Variants in GIT1 observed in about 807,000 individuals in gnomAD.
The protein encoded by GIT1 is GIT ArfGAP 1.
Under a neutral mutation model 91.7 loss-of-function variants are expected in GIT1, and 14 were observed. The observed-to-expected ratio is 0.15, with a 90% CI of 0.10 to 0.24. GIT1 has a LOEUF of 0.24. Among genes scored for constraint, GIT1 ranks in the 10% least tolerant of loss-of-function variants. The pLI is 1.00. For synonymous variants in GIT1, 414 were observed against 418.2 expected, an observed-to-expected ratio of 0.99 and a Z score of 0.12; for missense variants, 717 against 1,024.9, an observed-to-expected ratio of 0.70 and a Z score of 4.10.
intron 1 of GIT1, among the ~76,000 whole-genome samples, chr17:29,588,657 C>T (rs981730671): frequency 2.0e-5 from 3 of 152,110 alleles, no homozygotes; most frequent in African/African-American, 7.2e-5. Flanking sequence ...CAGGGTCCAG[C>T]CGAGCTGTTC....
At chr17:29,584,951 G>A (rs2033539445) in intron 1 of GIT1, among the ~76,000 whole-genome samples, 1 of 148,426 alleles carries the variant, frequency 6.7e-6, no homozygotes, top group Non-Finnish European at 1.5e-5. Flanking sequence ...CCTGTCTTTG[G>A]GTTTAGGCTT....
chr17:29,581,120 A>G lies in GIT1; in HGVS notation c.761+218T>C. On this transcript the variant is annotated intron_variant, in intron 7 of 19. Transcript: ENST00000225394. This position sits in a 1 kb window ranked among gnomAD's most constrained non-coding sequence, Gnocchi z 4.8. ...CACCCAAGCCCTCCATGTACTTGACAGTCACGGGGCTCAGGCTATGCGGGC... is the reference window on the plus strand; with the variant it reads ...CACCCAAGCCCTCCATGTACTTGACGGTCACGGGGCTCAGGCTATGCGGGC... 1 of 588,144 alleles carries G rather than the reference A, an allele frequency of 1.7e-6. No homozygotes were observed. Among genetic ancestry groups the G allele is most frequent in the Non-Finnish European group, 3.0e-6 (1 of 327,954 alleles). The allele number at this position is 588,144 out of a possible 1,614,324, so 36.4% of individuals were successfully genotyped here. A position where few individuals can be genotyped will look rare whatever the true frequency, so the allele number is the denominator to read the frequency against.
In GIT1 at chr17:29,575,942, G is replaced by GC. The variant is rs747334658; in HGVS notation, c.1666-45dup. On this transcript the variant is annotated intron_variant, in intron 15 of 19. Transcript: ENST00000225394. The surrounding 1 kb of genome is among the most constrained non-coding windows in gnomAD (Gnocchi z 5.5). ...CTGGATGGAGTCAGTGTGCCCCACT[G>GC]CCCCCCTGCTCACCAGCAGTGCAGC... 4 of 1,550,280 alleles carry GC rather than the reference G, an allele frequency of 2.6e-6. No individual in the cohort carries two copies. The highest frequency in any genetic ancestry group is 1.7e-5 in the Admixed American group (1 of 57,592).
Position 29,581,690 on chromosome 17 carries a change from C to A in GIT1, c.718+52G>T. On this transcript the variant is annotated intron_variant, in intron 6 of 19. Coordinates refer to ENST00000225394, the MANE Select transcript of GIT1 (RefSeq NM_014030.4). The surrounding 1 kb of genome is among the most constrained non-coding windows in gnomAD (Gnocchi z 4.8). Reference sequence around the variant, plus strand: ...GCCGGGTGCGTCCAGGTCCCACCTGCCCAGCCCCAGCCAGGCCTGTCACAG... The same window carrying A: ...GCCGGGTGCGTCCAGGTCCCACCTGACCAGCCCCAGCCAGGCCTGTCACAG... 1 of 1,458,152 alleles carries A rather than the reference C, an allele frequency of 6.9e-7. No homozygotes were observed. Among genetic ancestry groups the A allele is most frequent in the Non-Finnish European group, 9.5e-7 (1 of 1,049,956 alleles). The allele number at this position is 1,458,152 out of a possible 1,614,324, so 90.3% of individuals were successfully genotyped here.
chr17:29,589,333 C>T lies in GIT1; in HGVS notation c.46G>A (p.Ala16Thr). ...CCGGCCCCGCCGCGCTTACCCGGGGCGCTGCAGTCCGCACACACCTCCGCT... is the reference window on the plus strand; with the variant it reads ...CCGGCCCCGCCGCGCTTACCCGGGGTGCTGCAGTCCGCACACACCTCCGCT... ...PRAEVCADCS[A>T]PDPGWASISR... Residue 16 changes from alanine to threonine, a missense_variant, in exon 1 of 20, where the codon GCC becomes ACC. By Grantham distance (58) the Ala-to-Thr change is moderately conservative. Transcript: ENST00000225394. This position sits in a 1 kb window ranked among gnomAD's most constrained non-coding sequence, Gnocchi z 5.2. 9.4e-7 allele frequency: 1 copy of T among 1,063,468 alleles called. No homozygotes were observed. Among genetic ancestry groups the T allele is most frequent in the Non-Finnish European group, 1.1e-6 (1 of 874,876 alleles). The allele number at this position is 1,063,468 out of a possible 1,614,324, so 65.9% of individuals were successfully genotyped here. A position where few individuals can be genotyped will look rare whatever the true frequency, so the allele number is the denominator to read the frequency against.
Position 29,578,335 on chromosome 17 carries a change from C to T in GIT1, c.847G>A (p.Val283Met), listed in dbSNP as rs372379075. The T allele has an allele frequency of 5.0e-6, 8 of 1,614,020 alleles. No individual in the cohort carries two copies. The highest frequency in any genetic ancestry group is 1.3e-5 in the African/African-American group (1 of 74,936). The change falls in exon 9 of 20, where the codon GTG becomes ATG. Residue 283 changes from valine (V) to methionine (M), a missense_variant. By Grantham distance (21) the Val-to-Met change is conservative. Transcript: ENST00000225394. Reference sequence around the variant, plus strand: ...TCTCTTCGATCCACCTCGTCATACACGTCCATGGCGAGTTCCTCAAAAAGC... The same window carrying T: ...TCTCTTCGATCCACCTCGTCATACATGTCCATGGCGAGTTCCTCAAAAAGC... ...NRLFEELAMDVYDEVDRREND... is the reference protein window; with the variant it reads ...NRLFEELAMDMYDEVDRREND...
Position 29,574,900 on chromosome 17 carries a change from C to A in GIT1, c.2088G>T (p.Glu696Asp). 1 of 1,567,114 alleles carries A rather than the reference C, an allele frequency of 6.4e-7. No individual in the cohort carries two copies. Among genetic ancestry groups the A allele is most frequent in the South Asian group, 1.1e-5 (1 of 87,370 alleles). The change falls in exon 20 of 20, where the codon GAG (glutamate) becomes GAT (aspartate). Residue 696 changes from glutamate (E) to aspartate (D), a missense_variant. Glu to Asp is a conservative substitution (Grantham distance 45, BLOSUM62 2). Transcript: ENST00000225394. ...GCAGCCGCAGTGAGCTCCGCACTGG[C>A]TCCAGGGCTGGCCTCTGGAGGGGGC... ...ASLFPKRPAL[E>D]PVRSSLRLLN...
chr17:29,576,905 C>T lies in GIT1; in HGVS notation c.1185G>A (p.Glu395=). Residue 395 remains glutamate, a synonymous_variant, in exon 12 of 20, where the codon GAG becomes GAA. Transcript: ENST00000225394. ...GAGTGGCGCCGGTGCTGCGCAGGGGCTCCTGGTCTGTGTCCTCGTCAGAGG... is the reference window on the plus strand; with the variant it reads ...GAGTGGCGCCGGTGCTGCGCAGGGGTTCCTGGTCTGTGTCCTCGTCAGAGG... ...SVASDEDTDQ[E]PLRSTGATRS... 6.3e-7 allele frequency: 1 copy of T among 1,579,134 alleles called. No homozygotes were observed. The highest frequency in any genetic ancestry group is 8.6e-7 in the Non-Finnish European group (1 of 1,164,528).
intron 4 of GIT1, 54 bp downstream of exon 4, chr17:29,582,644 C>T (rs893260104): frequency 8.2e-6 from 10 of 1,221,678 alleles, no homozygotes; most frequent in African/African-American, 3.0e-5. Context: ...TTCAGAGAGT[C>T]GTGGATGGGA....
chr17:29,574,815 C>T lies in GIT1; in HGVS notation c.2173G>A (p.Gly725Ser), dbSNP rs764160074. Reference sequence around the variant, plus strand: ...AGCAGCTGGAAGTCCACTGGGGCGCCGGGCTCTGGGGGCACTGTCTTCCGG... The same window carrying T: ...AGCAGCTGGAAGTCCACTGGGGCGCTGGGCTCTGGGGGCACTGTCTTCCGG... ...ECRKTVPPEPGAPVDFQLLTQ... is the reference protein window; with the variant it reads ...ECRKTVPPEPSAPVDFQLLTQ... The change falls in exon 20 of 20, where the codon GGC becomes AGC. Residue 725 changes from glycine to serine, a missense_variant. Gly to Ser is a moderately conservative substitution (Grantham distance 56). Transcript: ENST00000225394. 10 of 1,611,268 alleles carry T rather than the reference C, an allele frequency of 6.2e-6. No individual in the cohort carries two copies. In the East Asian group the frequency reaches 6.7e-5, roughly 11 times the overall value.
Position 29,575,266 on chromosome 17 carries a change from C to T in GIT1, c.2009+22G>A. On this transcript the variant is annotated intron_variant, in intron 18 of 19. Coordinates refer to ENST00000225394, the MANE Select transcript of GIT1 (RefSeq NM_014030.4). This position sits in a 1 kb window ranked among gnomAD's most constrained non-coding sequence, Gnocchi z 5.5. ...AAGCCAACAGGAACTGCATCCCCCT[C>T]ACCTCCCCCTCCACTCAGTACCTGT... is the stretch of plus-strand genomic sequence containing the variant. 6.3e-7 allele frequency: 1 copy of T among 1,597,962 alleles called. No homozygotes were observed. Among genetic ancestry groups the T allele is most frequent in the Non-Finnish European group, 8.5e-7 (1 of 1,170,138 alleles).
rs549106964 is a variant in GIT1, at chr17:29,581,636, C to G, written c.718+106G>C. The G allele has an allele frequency of 7.0e-6, 6 of 862,776 alleles. No individual in the cohort carries two copies. Among genetic ancestry groups the G allele is most frequent in the African/African-American group, 1.7e-5 (1 of 60,168 alleles). The allele number at this position is 862,776 out of a possible 1,614,324, so 53.4% of individuals were successfully genotyped here. A position where few individuals can be genotyped will look rare whatever the true frequency, so the allele number is the denominator to read the frequency against. ...GCCAGTTGCCTAGCAACATTGCTCC[C>G]CAGCCGCTCTGTCACCATGGCACCT... On this transcript the variant is annotated intron_variant, in intron 6 of 19. Coordinates refer to ENST00000225394, the MANE Select transcript of GIT1 (RefSeq NM_014030.4). This position sits in a 1 kb window ranked among gnomAD's most constrained non-coding sequence, Gnocchi z 4.8.
Position 29,577,635 on chromosome 17 carries a change from G to GC in GIT1, c.981+9dup. 6.4e-7 allele frequency: 1 copy of GC among 1,567,664 alleles called. No individual in the cohort carries two copies. The highest frequency in any genetic ancestry group is 8.8e-7 in the Non-Finnish European group (1 of 1,137,916). On this transcript the variant is annotated intron_variant, in intron 10 of 19. Coordinates refer to ENST00000225394, the MANE Select transcript of GIT1 (RefSeq NM_014030.4). ...TAGACCACCCCAGGCCCCCAATCCA[G>GC]CCCCCTCACCTGATTCCGCGTGGCT...
At chr17:29,577,849 C>T in intron 9 of GIT1, 107 bp from the exon 10 acceptor site, 2 of 719,954 alleles carry the variant, frequency 2.8e-6, no homozygotes, top group Non-Finnish European at 2.5e-6. Flanking sequence ...GCCTACTGAG[C>T]ACTGGTGTTC....
chr17:29,575,147 G>A lies in GIT1; in HGVS notation c.2010-5C>T, dbSNP rs775624860. The A allele has an allele frequency of 4.4e-6, 7 of 1,593,978 alleles. No individual in the cohort carries two copies. Among genetic ancestry groups the A allele is most frequent in the East Asian group, 2.2e-5 (1 of 44,462 alleles). On this transcript the variant is annotated splice_region_variant and splice_polypyrimidine_tract_variant and intron_variant, in intron 18 of 19. Transcript: ENST00000225394. This position sits in a 1 kb window ranked among gnomAD's most constrained non-coding sequence, Gnocchi z 5.5. ...TTCTCTGAGCAGGGCACGAAGCTGC[G>A]GGGAGAAGGGAGGCTATAAAGCAGG...
Position 29,577,676 on chromosome 17 carries a change from A to G in GIT1, c.950T>C (p.Val317Ala). The G allele has an allele frequency of 1.9e-6, 3 of 1,612,838 alleles. No homozygotes were observed. The highest frequency in any genetic ancestry group is 2.5e-6 in the Non-Finnish European group (3 of 1,179,028). Residue 317 changes from valine to alanine, a missense_variant, in exon 10 of 20, where the codon GTT (valine) becomes GCT (alanine). Coordinates refer to ENST00000225394, the MANE Select transcript of GIT1 (RefSeq NM_014030.4). ...TERSAVPFLPVNPEYSATRNQ... is the reference protein window; with the variant it reads ...TERSAVPFLPANPEYSATRNQ... ...CCGCGTGGCTGAGTATTCCGGGTTAACAGGCAGGAAGGGCACGGCACTGCG... is the reference window on the plus strand; with the variant it reads ...CCGCGTGGCTGAGTATTCCGGGTTAGCAGGCAGGAAGGGCACGGCACTGCG...
chr17:29,584,959 C>CTTTTTTTTTTTTT (rs11419578), intron 1 of GIT1, among the ~76,000 whole-genome samples: 1 of 102,416 alleles, frequency 9.8e-6, no homozygotes, highest in Non-Finnish European at 1.9e-5. Context: ...TGGGTTTAGG[C>CTTTTTTTTTTTTT]TTTTTTTTTT....
chr17:29,585,903 C>G (rs961725734), intron 1 of GIT1, among the ~76,000 whole-genome samples: 7 of 152,262 alleles, frequency 4.6e-5, no homozygotes, highest in African/African-American at 1.7e-4. Context: ...CAGGCGTGAT[C>G]CTGGGATCAC....
At chr17:29,580,532 G>C (rs2033361018) in intron 7 of GIT1, among the ~76,000 whole-genome samples, 1 of 152,198 alleles carries the variant, frequency 6.6e-6, no homozygotes, top group Non-Finnish European at 1.5e-5. Context: ...TGAGTGGCAG[G>C]GGGTGTCCCA....
Sources: gnomAD v4.1 joint callset for allele counts (sites outside exome capture counted in the v4.1 genomes callset) on GRCh38, gnomAD v4.1.1 for gene constraint, Gnocchi (gnomAD v3.1) non-coding constraint, MANE v1.5 for transcripts, NCBI Gene and HGNC (gene_info 2026-07-23, HGNC 2026-07-21) for gene names.